The following MREG variants were observed in gnomAD, a reference collection of about 807,000 sequenced individuals.
The protein encoded by MREG is melanoregulin, also known as dilute suppressor protein homolog.
A neutral mutation model predicts 28.5 loss-of-function variants in MREG; 31 were observed. That is an observed-to-expected ratio of 1.09 (90% CI 0.82 to 1.47). MREG has a LOEUF of 1.47. MREG is among the 40% of genes most tolerant of loss of function. MREG has a pLI of 0.00. For missense variants in MREG, 256 were observed against 257.4 expected (o/e 0.99, Z 0.04); for synonymous variants, 106 against 95.2 (o/e 1.11, Z -0.66).
chr2:215,974,884 C>A (rs1199755528), intron 2 of MREG, among the ~76,000 whole-genome samples: 2 of 150,130 alleles, frequency 1.3e-5, no homozygotes, highest in Non-Finnish European at 3.0e-5. Context: ...TCCCTCTCTC[C>A]ACCTCCCACT....
intron 2 of MREG, among the ~76,000 whole-genome samples, chr2:215,975,950 G>A (rs535191742): frequency 1.1e-3 from 163 of 152,260 alleles, no homozygotes; most frequent in African/African-American, 3.7e-3. Flanking sequence ...GCCGGGCATG[G>A]TGGTGTGCAC....
intron 1 of MREG, among the ~76,000 whole-genome samples, chr2:216,027,447 T>C (rs947379618): frequency 1.3e-5 from 2 of 152,216 alleles, no homozygotes; most frequent in Non-Finnish European, 2.9e-5. Flanking sequence ...ATCCCAGCAC[T>C]TTGGGAAGCC....
chr2:215,964,191 A>G (rs1375467849), intron 2 of MREG, among the ~76,000 whole-genome samples: 1 of 152,130 alleles, frequency 6.6e-6, no homozygotes, highest in Non-Finnish European at 1.5e-5. Flanking sequence ...GTTAATATAG[A>G]AAGAAAGTCA....
At chr2:215,950,645 A>T (rs574415787) in intron 2 of MREG, among the ~76,000 whole-genome samples, 1 of 152,238 alleles carries the variant, frequency 6.6e-6, no homozygotes, top group Non-Finnish European at 1.5e-5. Context: ...ATTATACATG[A>T]AAGTATCTGG....
chr2:215,992,705 C>A (rs541789116), intron 2 of MREG, among the ~76,000 whole-genome samples: 1 of 152,302 alleles, frequency 6.6e-6, no homozygotes, highest in Non-Finnish European at 1.5e-5. Flanking sequence ...TGATAAGCAA[C>A]TTCAGCAAAG....
intron 2 of MREG, among the ~76,000 whole-genome samples, chr2:215,992,487 C>A (rs554532299): frequency 3.9e-5 from 6 of 152,296 alleles, no homozygotes; most frequent in African/African-American, 1.4e-4. Context: ...TGGAAGCATT[C>A]CCTTTGAAAA....
chr2:215,972,035 C>A (rs1693113312), intron 2 of MREG, among the ~76,000 whole-genome samples: 1 of 152,164 alleles, frequency 6.6e-6, no homozygotes, highest in Admixed American at 6.5e-5. Flanking sequence ...GGGATCACCC[C>A]CTCTAGACCA....
chr2:215,945,991 C>T (rs1210281662), intron 3 of MREG, among the ~76,000 whole-genome samples: 1 of 151,878 alleles, frequency 6.6e-6, no homozygotes, highest in Non-Finnish European at 1.5e-5. Context: ...GATACTCATC[C>T]ACTGGTTGCT....
intron 2 of MREG, among the ~76,000 whole-genome samples, chr2:215,971,685 G>A (rs2105990378): frequency 6.6e-6 from 1 of 152,298 alleles, no homozygotes; most frequent in South Asian, 2.1e-4. Flanking sequence ...GAAAAACATG[G>A]ATCAAAGGAG....
chr2:216,030,416 C>T (rs978174088), intron 1 of MREG, among the ~76,000 whole-genome samples: 1 of 152,138 alleles, frequency 6.6e-6, no homozygotes, highest in Non-Finnish European at 1.5e-5. Context: ...CTGTAAAATG[C>T]TGGTAATAAT....
chr2:216,010,419 G>A (rs1407532732), intron 1 of MREG, among the ~76,000 whole-genome samples: 1 of 136,402 alleles, frequency 7.3e-6, no homozygotes, highest in African/African-American at 2.8e-5. Flanking sequence ...GTGCAGTGGC[G>A]CGATCTCCAT....
intron 2 of MREG, among the ~76,000 whole-genome samples, chr2:215,991,440 G>A (rs1693717217): frequency 6.6e-6 from 1 of 152,104 alleles, no homozygotes; most frequent in South Asian, 2.1e-4. Context: ...GAGAAAGCAG[G>A]AAAGACCTAA....
chr2:216,011,941 A>G (rs1019249089), intron 1 of MREG, among the ~76,000 whole-genome samples: 3 of 152,236 alleles, frequency 2.0e-5, no homozygotes, highest in South Asian at 2.1e-4. Flanking sequence ...CCCTACACAC[A>G]ATAATCTAAA....
Position 215,985,277 on chromosome 2 carries a change from T to C in MREG, c.255+11029A>G, listed in dbSNP as rs553920634. On this transcript the variant is annotated intron_variant, in intron 2 of 4. Transcript: ENST00000263268. ...ATTAAGCTCCCTAGAGCAGAGCACG[T>C]TATGTAAAGCACAACTACTTTAATG... 1.4e-4 allele frequency among the ~76,000 whole-genome samples: 21 copies of C among 152,372 alleles called. No homozygotes were observed. In the South Asian group the frequency reaches 4.1e-3, roughly 30 times the overall value.
intron 2 of MREG, among the ~76,000 whole-genome samples, chr2:215,967,425 C>T (rs1456163950): frequency 6.6e-6 from 1 of 152,124 alleles, no homozygotes; most frequent in Non-Finnish European, 1.5e-5. Flanking sequence ...CATAATAGAG[C>T]ACTGTTTAGC....
At chr2:216,025,590 G>A (rs769922155) in intron 1 of MREG, among the ~76,000 whole-genome samples, 3 of 152,350 alleles carry the variant, frequency 2.0e-5, no homozygotes, top group South Asian at 2.1e-4. Context: ...GTCAGTAAGC[G>A]AGAACTGGCC....
At chr2:215,963,826 C>T (rs977470682) in intron 2 of MREG, among the ~76,000 whole-genome samples, 2 of 151,802 alleles carry the variant, frequency 1.3e-5, no homozygotes, top group Non-Finnish European at 2.9e-5. Context: ...GCTTTCATAC[C>T]CATAATTCAT....
At chr2:216,023,787 C>A (rs1694558305) in intron 1 of MREG, among the ~76,000 whole-genome samples, 1 of 152,162 alleles carries the variant, frequency 6.6e-6, no homozygotes, top group African/African-American at 2.4e-5. Flanking sequence ...CCTGCCCCAG[C>A]CTCCTGAGTA....
intron 1 of MREG, among the ~76,000 whole-genome samples, chr2:216,032,156 T>C (rs182862928): frequency 5.3e-5 from 8 of 152,362 alleles, no homozygotes; most frequent in Admixed American, 5.2e-4. Context: ...AAATCCTTGC[T>C]ATTTAAGTCC....
Sources: allele counts gnomAD v4.1 joint callset (sites outside exome capture counted in the v4.1 genomes callset), GRCh38; gene constraint gnomAD v4.1.1; transcripts MANE v1.5; gene names NCBI Gene and HGNC (gene_info 2026-07-23, HGNC 2026-07-21).